PIN4: variants seen among roughly 807,000 people sequenced by gnomAD.
PIN4 encodes peptidylprolyl cis/trans isomerase, NIMA-interacting 4, also known as peptidyl-prolyl cis-trans isomerase NIMA-interacting 4.
PIN4 carries 3 observed loss-of-function variants against 8.3 expected under a neutral mutation model. That is an observed-to-expected ratio of 0.36 (90% CI 0.16 to 0.93). The LOEUF is 0.93. PIN4 is among the 40% of genes least tolerant of loss of function. The probability of loss-of-function intolerance (pLI) is 0.44; values close to 1 mark genes in which losing one functional copy is unlikely to be tolerated. For missense variants in PIN4, 75 were observed against 100.6 expected (o/e 0.75, Z 1.09); for synonymous variants, 18 against 32.5 (o/e 0.55, Z 1.52).
intron 3 of PIN4, among the ~76,000 whole-genome samples, chrX:72,256,880 G>A (rs1220370053): frequency 8.9e-6 from 1 of 112,279 alleles, no homozygotes; most frequent in Non-Finnish European, 1.9e-5. Flanking sequence ...GCATGTTGGA[G>A]GAATAGCAAC....
downstream of PIN4, among the ~76,000 whole-genome samples, chrX:72,201,922 G>C (rs1437801091): frequency 8.9e-6 from 1 of 112,812 alleles, no homozygotes; most frequent in East Asian, 2.8e-4. Context: ...CAGCATAGGA[G>C]CTCAAAACAC....
intron 2 of PIN4, among the ~76,000 whole-genome samples, chrX:72,191,753 C>G (rs895886908): frequency 1.8e-5 from 2 of 111,547 alleles, no homozygotes; most frequent in Non-Finnish European, 3.8e-5. Flanking sequence ...GCTTTCAGCC[C>G]CCTAGCAACA....
At chrX:72,204,711 A>C (rs770993884) in intron 3 of PIN4, 1 of 170,688 alleles carries the variant, frequency 5.9e-6, no homozygotes, top group South Asian at 1.9e-4. Flanking sequence ...TTATATACAA[A>C]GATGATCACT....
chrX:72,259,468 C>T (rs1295829138), intron 3 of PIN4, among the ~76,000 whole-genome samples: 1 of 110,482 alleles, frequency 9.1e-6, no homozygotes, highest in Non-Finnish European at 1.9e-5. Context: ...GATCCACCAG[C>T]CTCGGCCTCC....
At chrX:72,248,648 C>T (rs1224645471) in intron 3 of PIN4, among the ~76,000 whole-genome samples, 2 of 112,084 alleles carry the variant, frequency 1.8e-5, no homozygotes, top group African/African-American at 6.5e-5. Flanking sequence ...GAGGCCAAGG[C>T]GGTGGATCAC....
At chrX:72,197,310 A>C (rs1427127048) in intron 3 of PIN4, 58 bp from the exon 4 acceptor site, 1 of 1,078,754 alleles carries the variant, frequency 9.3e-7, no homozygotes, top group African/African-American at 1.8e-5. Flanking sequence ...CTCAAGCTAC[A>C]GTAGAACTGT....
chrX:72,237,295 G>C (rs2043022059), intron 3 of PIN4, among the ~76,000 whole-genome samples: 1 of 111,488 alleles, frequency 9.0e-6, no homozygotes, highest in Admixed American at 9.6e-5. Flanking sequence ...TCAGGAGTTT[G>C]AGACCAGCCT....
intron 2 of PIN4, among the ~76,000 whole-genome samples, chrX:72,192,099 C>G (rs1372540285): frequency 1.7e-4 from 19 of 110,426 alleles, no homozygotes; most frequent in African/African-American, 2.6e-4. Context: ...TTACAGGCAT[C>G]CACCACCACT....
chrX:72,182,602 G>A (rs1230800237), intron 1 of PIN4, among the ~76,000 whole-genome samples: 1 of 111,339 alleles, frequency 9.0e-6, no homozygotes, highest in African/African-American at 3.3e-5. Context: ...GAAGATAAAG[G>A]CTTAGTGATC....
At chrX:72,252,813 C>A (rs751164829) in intron 3 of PIN4, among the ~76,000 whole-genome samples, 2 of 112,219 alleles carry the variant, frequency 1.8e-5, no homozygotes, top group Non-Finnish European at 3.8e-5. Context: ...TTTCAACATA[C>A]GCCTTTAGCA....
chrX:72,244,739 A>AGAGTGT (rs1408955526), intron 3 of PIN4, among the ~76,000 whole-genome samples: 1 of 110,948 alleles, frequency 9.0e-6, no homozygotes, highest in Non-Finnish European at 1.9e-5. Flanking sequence ...TGAGAATGGA[A>AGAGTGT]GAGTGTTTTT....
intron 2 of PIN4, among the ~76,000 whole-genome samples, chrX:72,188,333 C>T (rs950447535): frequency 8.9e-6 from 1 of 112,024 alleles, no homozygotes; most frequent in African/African-American, 3.2e-5. Flanking sequence ...GAGACTGTTG[C>T]ACTGCATATG....
intron 2 of PIN4, among the ~76,000 whole-genome samples, chrX:72,187,294 C>G (rs917588545): frequency 4.5e-5 from 5 of 111,892 alleles, no homozygotes; most frequent in Non-Finnish European, 9.4e-5. Flanking sequence ...ACTTGAAATA[C>G]TTAACCTAGC....
chrX:72,181,829 G>C lies in PIN4; in HGVS notation c.43+1G>C. The C allele has an allele frequency of 9.0e-7, 1 of 1,105,855 alleles. No homozygotes were observed. The highest frequency in any genetic ancestry group is 1.2e-6 in the Non-Finnish European group (1 of 803,046). The allele number at this position is 1,105,855 out of a possible 1,213,427, so 91.1% of individuals were successfully genotyped here. Reference sequence around the variant, plus strand: ...AGTGGTTCTGGAAAAGCGGGGAAAGGTAGAGCGGCCAGAGCGATCAAGGAG... The same window carrying C: ...AGTGGTTCTGGAAAAGCGGGGAAAGCTAGAGCGGCCAGAGCGATCAAGGAG... On this transcript the variant is annotated splice_donor_variant, in intron 1 of 3. Transcript: ENST00000373669. LOFTEE classifies it high-confidence loss of function.
chrX:72,221,381 T>C (rs1183533661), intron 3 of PIN4, among the ~76,000 whole-genome samples: 1 of 111,758 alleles, frequency 8.9e-6, no homozygotes, highest in Non-Finnish European at 1.9e-5. Context: ...GAAGAAATCT[T>C]GGGGATGCCC....
At chrX:72,233,785 TA>T (rs960001911) in intron 3 of PIN4, among the ~76,000 whole-genome samples, 1 of 108,219 alleles carries the variant, frequency 9.2e-6, no homozygotes, top group African/African-American at 3.4e-5. Context: ...TTTATTTTGT[TA>T]GGTGTGATAT....
At chrX:72,196,459 G>C (rs942898637) in intron 2 of PIN4, among the ~76,000 whole-genome samples, 2 of 107,503 alleles carry the variant, frequency 1.9e-5, no homozygotes, top group African/African-American at 6.8e-5. Flanking sequence ...GCTTGAACCC[G>C]GGAGGCAGAG....
intron 3 of PIN4, among the ~76,000 whole-genome samples, chrX:72,261,466 T>C (rs985381754): frequency 2.1e-4 from 23 of 111,802 alleles, no homozygotes; most frequent in African/African-American, 7.2e-4. Flanking sequence ...CCTATAAGCC[T>C]CGATTCTAAT....
chrX:72,186,726 C>T (rs2042705554), intron 2 of PIN4, among the ~76,000 whole-genome samples, 192 bp downstream of exon 2: 1 of 111,338 alleles, frequency 9.0e-6, no homozygotes, highest in South Asian at 3.7e-4. Flanking sequence ...GGCAGATCAG[C>T]CTGGCCAAAA....
Sources: gnomAD v4.1 joint callset for allele counts (sites outside exome capture counted in the v4.1 genomes callset) on GRCh38, gnomAD v4.1.1 for gene constraint, MANE v1.5 for transcripts, NCBI Gene and HGNC (gene_info 2026-07-23, HGNC 2026-07-21) for gene names.